CAST: variants seen among roughly 807,000 people sequenced by gnomAD.
The protein encoded by CAST is MIR583 host.
A neutral mutation model predicts 119.6 loss-of-function variants in CAST; 76 were observed. The observed-to-expected ratio is 0.64, with a 90% confidence interval of 0.53 to 0.77. CAST has a LOEUF of 0.77. Ranked by LOEUF, CAST falls within the 30% of genes least tolerant of loss-of-function variation. The pLI, the probability that CAST is intolerant of heterozygous loss-of-function variation, is 0.00. For missense variants in CAST, 953 were observed against 946.5 expected (o/e 1.01, Z -0.09); for synonymous variants, 319 against 331.6 (o/e 0.96, Z 0.41).
Position 96,765,247 on chromosome 5 carries a change from C to G in CAST, c.1959C>G (p.Ala653=). ...AGAGTGACAAAGACCTCGATGATGC[C>G]TTGGATAAACTCTCTGACAGTCTAG... The part of the protein sequence containing the change: ...TSQSDKDLDD[A]LDKLSDSLGQ... The change falls in exon 26 of 32, where the codon GCC becomes GCG. Residue 653 remains alanine (A), a synonymous_variant. Transcript: ENST00000675179. 1 of 1,605,402 alleles carries G rather than the reference C, an allele frequency of 6.2e-7. No individual in the cohort carries two copies. The highest frequency in any genetic ancestry group is 8.5e-7 in the Non-Finnish European group (1 of 1,174,716).
At chr5:96,314,839 A>C in the CAST span, among the ~76,000 whole-genome samples, 1 of 152,348 alleles carries the variant, frequency 6.6e-6, no homozygotes, top group African/African-American at 2.4e-5. Context: ...ACTTAACATA[A>C]AGTACACACT....
At chr5:96,546,604 C>T (rs1432109785) in intron 1 of CAST, 1 of 151,244 alleles carries the variant, frequency 6.6e-6, no homozygotes, top group East Asian at 1.9e-4. Context: ...GTGACTTTCC[C>T]ATTAATGCCT....
intron 1 of CAST, among the ~76,000 whole-genome samples, chr5:96,620,193 G>A (rs1396278416): frequency 6.6e-6 from 1 of 152,058 alleles, no homozygotes; most frequent in Non-Finnish European, 1.5e-5. Context: ...AGCCTGTAGG[G>A]CGACAATCAT....
chr5:96,313,190 T>G, the CAST span, among the ~76,000 whole-genome samples: 1 of 152,154 alleles, frequency 6.6e-6, no homozygotes, highest in Non-Finnish European at 1.5e-5. Context: ...AAAGTTTATT[T>G]TGTTTTAAGA....
chr5:96,455,993 C>T, the CAST span, among the ~76,000 whole-genome samples: 1 of 152,126 alleles, frequency 6.6e-6, no homozygotes, highest in Non-Finnish European at 1.5e-5. Flanking sequence ...AAAAAGTTCC[C>T]TCTGGGTCCA....
At chr5:96,515,769 G>A in the CAST span, among the ~76,000 whole-genome samples, 2 of 152,092 alleles carry the variant, frequency 1.3e-5, no homozygotes, top group African/African-American at 2.4e-5. Context: ...CTCCTGAAGA[G>A]ACTCTGGCAA....
the CAST span, among the ~76,000 whole-genome samples, chr5:96,102,725 T>TTTA: frequency 6.8e-6 from 1 of 146,256 alleles, no homozygotes; most frequent in African/African-American, 2.6e-5. Flanking sequence ...TTCTTGGGGT[T>TTTA]TTTTTTTTTT....
intron 1 of CAST, among the ~76,000 whole-genome samples, chr5:96,610,960 G>A (rs574239657): frequency 1.3e-4 from 20 of 152,098 alleles, no homozygotes; most frequent in South Asian, 6.2e-4. Flanking sequence ...TTAGGAATGC[G>A]TCTAACCGTG....
chr5:96,753,909 C>A, intron 20 of CAST, 151 bp from the exon 21 acceptor site: 2 of 585,300 alleles, frequency 3.4e-6, no homozygotes, highest in Middle Eastern at 2.9e-4. Context: ...GTTTTTTAAA[C>A]ATAGATTCTA....
chr5:96,739,058 T>C (rs760378295), intron 11 of CAST, among the ~76,000 whole-genome samples: 3 of 151,542 alleles, frequency 2.0e-5, no homozygotes, highest in Non-Finnish European at 4.4e-5. Context: ...CAATAGAAAA[T>C]CGAGAGAAAA....
intron 1 of CAST, among the ~76,000 whole-genome samples, chr5:96,639,994 T>A (rs1747931254): frequency 6.6e-6 from 1 of 152,196 alleles, no homozygotes; most frequent in African/African-American, 2.4e-5. Context: ...ATAATGATGT[T>A]TTCCTGAGTA....
At chr5:96,266,269 AACCC>A in the CAST span, among the ~76,000 whole-genome samples, 1 of 152,156 alleles carries the variant, frequency 6.6e-6, no homozygotes, top group Admixed American at 6.5e-5. Flanking sequence ...AATTTCCCCC[AACCC>A]ATGGTTTCCA....
chr5:96,362,295 T>C, the CAST span, among the ~76,000 whole-genome samples: 290 of 152,278 alleles, frequency 1.9e-3, no homozygotes, highest in African/African-American at 6.6e-3. Flanking sequence ...AATAAACATA[T>C]GTGTGCATGT....
At chr5:96,230,731 A>G in the CAST span, among the ~76,000 whole-genome samples, 1 of 152,168 alleles carries the variant, frequency 6.6e-6, no homozygotes, top group African/African-American at 2.4e-5. Flanking sequence ...GGGAGACAAT[A>G]TTTGTAAATG....
chr5:96,462,728 G>A, the CAST span, among the ~76,000 whole-genome samples: 5 of 152,050 alleles, frequency 3.3e-5, no homozygotes, highest in African/African-American at 9.7e-5. Context: ...ATCTCATTTC[G>A]AATTGTAATC....
chr5:96,330,257 A>G, the CAST span, among the ~76,000 whole-genome samples: 2 of 152,232 alleles, frequency 1.3e-5, no homozygotes, highest in African/African-American at 2.4e-5. Flanking sequence ...GGTTCCACCT[A>G]AGACATATTT....
intron 1 of CAST, among the ~76,000 whole-genome samples, chr5:96,667,222 T>G (rs1303963012): frequency 6.6e-6 from 1 of 152,230 alleles, no homozygotes; most frequent in East Asian, 1.9e-4. Context: ...AAATTTGTTT[T>G]GGTTGTAGGA....
chr5:96,308,599 C>T, the CAST span: 1 of 152,026 alleles, frequency 6.6e-6, no homozygotes, highest in Non-Finnish European at 1.5e-5. Flanking sequence ...GATTTGTCTA[C>T]CTTTGATCTT....
chr5:95,989,763 G>A, the CAST span, among the ~76,000 whole-genome samples: 2 of 152,076 alleles, frequency 1.3e-5, no homozygotes, highest in Admixed American at 6.6e-5. Context: ...TATGTCCAAT[G>A]TATGATTTAG....
Sources: allele counts gnomAD v4.1 joint callset (sites outside exome capture counted in the v4.1 genomes callset), GRCh38; gene constraint gnomAD v4.1.1; transcripts MANE v1.5; gene names NCBI Gene and HGNC (gene_info 2026-07-23, HGNC 2026-07-21).